DST: variants seen among roughly 807,000 people sequenced by gnomAD.
DST encodes dystonin, also known as bullous pemphigoid antigen.
DST carries 253 observed loss-of-function variants against 875.2 expected under a neutral mutation model. The ratio of observed to expected loss-of-function variants is 0.29; its 90% CI spans 0.26 to 0.32. The LOEUF (loss-of-function observed/expected upper bound fraction) is 0.32, where lower values mean the gene tolerates loss of function less well. Ranked by LOEUF, DST falls within the 10% of genes least tolerant of loss-of-function variation. The probability of loss-of-function intolerance (pLI) is 1.00; values close to 1 mark genes in which losing one functional copy is unlikely to be tolerated. For synonymous variants in DST, 3,124 were observed against 3,197.1 expected, an observed-to-expected ratio of 0.98 and a Z score of 0.77; for missense variants, 8,287 against 9,111.6, an observed-to-expected ratio of 0.91 and a Z score of 3.68.
intron 91 of DST, 54 bp from the exon 92 acceptor site, chr6:56,476,391 G>T: frequency 7.2e-7 from 1 of 1,383,294 alleles, no homozygotes; most frequent in Non-Finnish European, 9.7e-7. Context: ...TAAAATAATT[G>T]CAGTGATGTA....
intron 36 of DST, chr6:56,617,529 A>C: frequency 9.4e-7 from 1 of 1,058,996 alleles, no homozygotes; most frequent in Non-Finnish European, 1.4e-6. Flanking sequence ...GATTAGTGAA[A>C]AGAAGAAAAA....
chr6:56,787,713 C>T (rs2153000836), intron 4 of DST, among the ~76,000 whole-genome samples: 1 of 152,262 alleles, frequency 6.6e-6, no homozygotes, highest in Non-Finnish European at 1.5e-5. Flanking sequence ...TGTTTTAAAA[C>T]AATCATGGTT....
chr6:56,606,103 G>C lies in DST; in HGVS notation c.8525C>G (p.Ser2842Cys), dbSNP rs752042606. 5.0e-6 allele frequency: 8 copies of C among 1,612,618 alleles called. No individual in the cohort carries two copies. The African/African-American group carries it at 6.7e-5, about 13-fold the overall frequency. ...TTCATCACTGTTTTCATTTAAAATA[G>C]AGGCACACAACTGGATATCCATATC... ...AEDMDIQLCA[S>C]ILNENSDENE... Residue 2842 changes from serine (S) to cysteine (C), a missense_variant, in exon 40 of 104, where the codon TCT (serine) becomes TGT (cysteine). Physicochemically the swap from Ser to Cys is moderately radical, Grantham distance 112. Around this residue, in one of 10 missense-constraint regions of DST, gnomAD observed 3,138 missense variants for 3,116.6 expected, o/e 1.01. Coordinates refer to ENST00000680361, the MANE Select transcript of DST (RefSeq NM_001374736.1).
intron 71 of DST, among the ~76,000 whole-genome samples, chr6:56,516,469 A>G (rs1325112182): frequency 1.3e-5 from 2 of 152,172 alleles, no homozygotes; most frequent in African/African-American, 2.4e-5. Flanking sequence ...TAAATAAAAG[A>G]GTGCATATCA....
intron 5 of DST, among the ~76,000 whole-genome samples, chr6:56,720,716 T>A (rs1257836828): frequency 6.6e-6 from 1 of 152,210 alleles, no homozygotes; most frequent in Non-Finnish European, 1.5e-5. Flanking sequence ...GAATTTTTCT[T>A]AGTACAGAAC....
chr6:56,643,069 T>A (rs1457896527), intron 15 of DST: 3 of 509,646 alleles, frequency 5.9e-6, no homozygotes, highest in Non-Finnish European at 9.8e-6. Flanking sequence ...GCAGGCAGAT[T>A]GGGCGTCACT....
intron 10 of DST, among the ~76,000 whole-genome samples, chr6:56,667,828 T>TATATATAC (rs1554596727): frequency 2.0e-5 from 3 of 149,772 alleles, no homozygotes; most frequent in African/African-American, 7.4e-5. Flanking sequence ...TATATATATA[T>TATATATAC]ACACACACAC....
chr6:56,620,426 A>G (rs2098678972), intron 36 of DST: 1 of 1,613,974 alleles, frequency 6.2e-7, no homozygotes, highest in South Asian at 1.1e-5. Context: ...CTCTCTCACA[A>G]TGGTTTCAAG....
intron 2 of DST, among the ~76,000 whole-genome samples, chr6:56,922,857 T>C (rs1805006648): frequency 6.6e-6 from 1 of 152,222 alleles, no homozygotes; most frequent in Non-Finnish European, 1.5e-5. Flanking sequence ...TTTCACAGTT[T>C]AGCAATTATA....
chr6:56,835,921 G>C (rs2099793049), intron 4 of DST, among the ~76,000 whole-genome samples: 2 of 152,178 alleles, frequency 1.3e-5, no homozygotes, highest in Admixed American at 1.3e-4. Context: ...TATCAAAGCA[G>C]TCACATTCAT....
In DST at chr6:56,597,762, T is replaced by A. The variant is rs780016043; in HGVS notation, c.12173A>T (p.Asn4058Ile). The change falls in exon 47 of 104, where the codon AAT becomes ATT. Residue 4058 changes from asparagine (N) to isoleucine (I), a missense_variant. By Grantham distance (149) the Asn-to-Ile change is moderately radical. Coordinates refer to ENST00000680361, the MANE Select transcript of DST (RefSeq NM_001374736.1). ...CACCTTAACTTTCTGATATTGCTGATTCAGATTCTCCTGAGTGGTTCCAAC... is the reference window on the plus strand; with the variant it reads ...CACCTTAACTTTCTGATATTGCTGAATCAGATTCTCCTGAGTGGTTCCAAC... ...GQVGTTQENLNQQYQKVKAQH... is the reference protein window; with the variant it reads ...GQVGTTQENLIQQYQKVKAQH... The A allele has an allele frequency of 1.2e-6, 2 of 1,613,772 alleles. No homozygotes were observed. Among genetic ancestry groups the A allele is most frequent in the South Asian group, 2.2e-5 (2 of 91,054 alleles).
chr6:56,711,969 T>C lies in DST; in HGVS notation c.688-7600A>G, dbSNP rs1210502419. ...AGCCGGGCGTAGTGGCGGGCGCCTG[T>C]AGTCCCAGCTACTCGGGAGGCTGAG... is the stretch of plus-strand genomic sequence containing the variant. On this transcript the variant is annotated intron_variant, in intron 5 of 103. Coordinates refer to ENST00000680361, the MANE Select transcript of DST (RefSeq NM_001374736.1). 2.0e-5 allele frequency among the ~76,000 whole-genome samples: 3 copies of C among 149,806 alleles called. No homozygotes were observed. In the East Asian group the frequency reaches 5.9e-4, roughly 29 times the overall value.
chr6:56,650,020 G>T (rs2098965639), intron 12 of DST, among the ~76,000 whole-genome samples: 1 of 152,118 alleles, frequency 6.6e-6, no homozygotes, highest in Non-Finnish European at 1.5e-5. Flanking sequence ...GGGTGAGCAT[G>T]GGAACAGGCT....
At chr6:56,843,395 C>T in intron 4 of DST, 3 of 1,128,968 alleles carry the variant, frequency 2.7e-6, no homozygotes, top group Non-Finnish European at 3.2e-6. Context: ...GAGCCCGAGT[C>T]CCTCTCGGGT....
At chr6:56,542,428 TAAA>T (rs60688419) in intron 61 of DST, 13,980 of 67,642 alleles carry the variant, frequency 0.21, 1,221 homozygotes, top group Non-Finnish European at 0.23. Context: ...TAAGCTTCTT[TAAA>T]AAAAAAAAAA....
At chr6:56,746,564 A>T (rs1563982267) in intron 4 of DST, among the ~76,000 whole-genome samples, 2 of 152,194 alleles carry the variant, frequency 1.3e-5, no homozygotes, top group Non-Finnish European at 1.5e-5. Flanking sequence ...GATCAGTGAA[A>T]AAAAATGGAA....
At chr6:56,460,553 GGTGA>G (rs2094276630) in intron 102 of DST, 1 of 242,606 alleles carries the variant, frequency 4.1e-6, no homozygotes, top group African/African-American at 2.2e-5. Flanking sequence ...AGAAATAAAT[GGTGA>G]GTATGTTAGT....
chr6:56,558,516 C>T (rs1562787611), intron 58 of DST, among the ~76,000 whole-genome samples: 2 of 151,986 alleles, frequency 1.3e-5, no homozygotes, highest in South Asian at 2.1e-4. Context: ...GCTGCTGATC[C>T]CAGGAGCACA....
chr6:56,668,641 A>G (rs1031376314), intron 10 of DST, among the ~76,000 whole-genome samples: 7 of 151,928 alleles, frequency 4.6e-5, no homozygotes, highest in Non-Finnish European at 1.0e-4. Context: ...GGTGGCAGGC[A>G]CCTGTAATCC....
Sources: gnomAD v4.1 joint callset for allele counts (sites outside exome capture counted in the v4.1 genomes callset) on GRCh38, gnomAD v4.1.1 for gene constraint, gnomAD v4.1.1 regional missense constraint, MANE v1.5 for transcripts, NCBI Gene and HGNC (gene_info 2026-07-23, HGNC 2026-07-21) for gene names.